Variants in PAK5 observed in about 807,000 individuals in gnomAD.
The protein encoded by PAK5 is serine/threonine-protein kinase PAK 5.
PAK5 carries 16 observed loss-of-function variants against 65.9 expected under a neutral mutation model. That is an observed-to-expected ratio of 0.24 (90% CI 0.16 to 0.37). The LOEUF is 0.37. Among genes scored for constraint, PAK5 ranks in the 10% least tolerant of loss-of-function variants. PAK5 has a pLI of 1.00. For missense variants in PAK5, 785 were observed against 903.9 expected (o/e 0.87, Z 1.69); for synonymous variants, 371 against 354.9 (o/e 1.05, Z -0.51).
intron 2 of PAK5, among the ~76,000 whole-genome samples, chr20:9,678,345 A>G (rs1242603175): frequency 6.6e-6 from 1 of 152,208 alleles, no homozygotes; most frequent in Non-Finnish European, 1.5e-5. Context: ...AGGCAGGTGG[A>G]TCATGAGGTC....
chr20:9,734,210 G>T, intron 1 of PAK5, among the ~76,000 whole-genome samples: 1 of 152,290 alleles, frequency 6.6e-6, no homozygotes, highest in East Asian at 1.9e-4. Flanking sequence ...TATTAGGAAA[G>T]TTGAAAACCT....
In PAK5 at chr20:9,761,408, C is replaced by T. The variant is rs913343993; in HGVS notation, c.-161-49973G>A. Among the ~76,000 whole-genome samples the T allele has an allele frequency of 3.9e-5, 6 of 152,200 alleles. No individual in the cohort carries two copies. In the South Asian group the frequency reaches 1.0e-3, roughly 26 times the overall value. On this transcript the variant is annotated intron_variant, in intron 1 of 9. Transcript: ENST00000353224. ...ATATCTAAATAAATGGAAGGATATT[C>T]GGTGTTCATGGATTGAAATAATTCA...
chr20:9,833,300 C>T (rs1978871538), intron 1 of PAK5, among the ~76,000 whole-genome samples: 1 of 152,162 alleles, frequency 6.6e-6, no homozygotes, highest in African/African-American at 2.4e-5. Context: ...TCTTCTATTC[C>T]ACTGAGCTAT....
At chr20:9,715,500 G>A (rs2048132922) in intron 1 of PAK5, among the ~76,000 whole-genome samples, 1 of 152,118 alleles carries the variant, frequency 6.6e-6, no homozygotes, top group South Asian at 2.1e-4. Context: ...ATTCCTCAGG[G>A]ATCTAGAACT....
intron 3 of PAK5, among the ~76,000 whole-genome samples, chr20:9,585,035 T>C (rs775067194): frequency 9.9e-5 from 15 of 152,198 alleles, no homozygotes; most frequent in Non-Finnish European, 1.8e-4. Context: ...TTAGCAAAAA[T>C]CTTATCTTAT....
At chr20:9,574,243 C>T (rs2122982259) in intron 4 of PAK5, among the ~76,000 whole-genome samples, 1 of 152,298 alleles carries the variant, frequency 6.6e-6, no homozygotes, top group Middle Eastern at 3.4e-3. Flanking sequence ...GAGAGTTGGA[C>T]AAGTGGCTCA....
At chr20:9,640,224 A>G (rs1213004849) in intron 3 of PAK5, among the ~76,000 whole-genome samples, 4 of 52,920 alleles carry the variant, frequency 7.6e-5, no homozygotes, top group African/African-American at 3.3e-4. Flanking sequence ...ACCCCACCCC[A>G]CAACAGTCCC....
At chr20:9,621,441 C>A (rs2046766943) in intron 3 of PAK5, among the ~76,000 whole-genome samples, 1 of 146,244 alleles carries the variant, frequency 6.8e-6, no homozygotes, top group South Asian at 2.1e-4. Context: ...CTAGGCATAT[C>A]CTGAAAAATT....
rs183297223 is a variant in PAK5 at position 9,811,301 on chromosome 20, G to A, written c.-162+27461C>T. 5.1e-3 allele frequency among the ~76,000 whole-genome samples: 772 copies of A among 152,032 alleles called. 3 individuals carry two copies. The highest frequency in any genetic ancestry group is 8.6e-3 in the Non-Finnish European group (582 of 67,968). The stretch of plus-strand genomic sequence containing the variant: ...CTATGGATGCCACTTCCCAAAGGCC[G>A]CCCAGTAACTCCTAAATGCTACTAA... On this transcript the variant is annotated intron_variant, in intron 1 of 9. Coordinates refer to ENST00000353224, the MANE Select transcript of PAK5 (RefSeq NM_177990.4).
chr20:9,628,196 C>T (rs760975858), intron 3 of PAK5, among the ~76,000 whole-genome samples: 1 of 152,174 alleles, frequency 6.6e-6, no homozygotes, highest in Non-Finnish European at 1.5e-5. Flanking sequence ...TCAATCCTTA[C>T]TCCAGCCCTA....
At chr20:9,762,960 GCAA>G (rs777022681) in intron 1 of PAK5, among the ~76,000 whole-genome samples, 8 of 152,112 alleles carry the variant, frequency 5.3e-5, no homozygotes, top group Non-Finnish European at 1.2e-4. Context: ...CCTGCTATTT[GCAA>G]CAACATGGAT....
At chr20:9,543,261 C>G (rs2045294957) in intron 8 of PAK5, among the ~76,000 whole-genome samples, 1 of 152,016 alleles carries the variant, frequency 6.6e-6, no homozygotes, top group Non-Finnish European at 1.5e-5. Flanking sequence ...TGCACAAAAC[C>G]TCACTTTACA....
intron 1 of PAK5, among the ~76,000 whole-genome samples, chr20:9,726,627 G>A (rs984801530): frequency 1.3e-5 from 2 of 152,072 alleles, no homozygotes; most frequent in African/African-American, 4.8e-5. Flanking sequence ...TATGGCTGAA[G>A]GGGAAAGGCA....
At position 9,824,537 on chromosome 20, in the gene PAK5, T is replaced by C. The variant is rs1184490597; in HGVS notation, c.-162+14225A>G. On this transcript the variant is annotated intron_variant, in intron 1 of 9. Coordinates refer to ENST00000353224, the MANE Select transcript of PAK5 (RefSeq NM_177990.4). ...TCCAAATGAAAAAACTTGAGGGTCT[T>C]TGCAGGAGACAAATCATATGCAATT... is the stretch of plus-strand genomic sequence containing the variant. 2.0e-5 allele frequency among the ~76,000 whole-genome samples: 3 copies of C among 152,182 alleles called. No homozygotes were observed. The East Asian group carries it at 5.8e-4, about 29-fold the overall frequency.
chr20:9,578,328 T>TA (rs1362387435), intron 4 of PAK5, among the ~76,000 whole-genome samples: 1 of 152,010 alleles, frequency 6.6e-6, no homozygotes, highest in Non-Finnish European at 1.5e-5. Flanking sequence ...TCATCCTTTT[T>TA]AAAAAAATAA....
chr20:9,729,091 T>C (rs1255088562), intron 1 of PAK5, among the ~76,000 whole-genome samples: 2 of 152,050 alleles, frequency 1.3e-5, no homozygotes, highest in Non-Finnish European at 2.9e-5. Flanking sequence ...AAAAATTAGC[T>C]GGGCATGGTG....
intron 2 of PAK5, among the ~76,000 whole-genome samples, chr20:9,658,367 A>G (rs2047297865): frequency 6.6e-6 from 1 of 151,878 alleles, no homozygotes; most frequent in African/African-American, 2.4e-5. Flanking sequence ...GGCCACATGG[A>G]CTCTCATCTT....
chr20:9,681,365 G>C (rs2047647081), intron 2 of PAK5, among the ~76,000 whole-genome samples: 1 of 151,808 alleles, frequency 6.6e-6, no homozygotes, highest in Non-Finnish European at 1.5e-5. Context: ...TCAGTTGAAG[G>C]GTTTAGTCCC....
chr20:9,683,627 C>T (rs1323561592), intron 2 of PAK5, among the ~76,000 whole-genome samples: 4 of 152,180 alleles, frequency 2.6e-5, no homozygotes, highest in African/African-American at 9.6e-5. Context: ...CCCAGTCTCC[C>T]TTGTATCTAG....
Sources: allele counts gnomAD v4.1 joint callset (sites outside exome capture counted in the v4.1 genomes callset), GRCh38; gene constraint gnomAD v4.1.1; transcripts MANE v1.5; gene names NCBI Gene and HGNC (gene_info 2026-07-23, HGNC 2026-07-21).